GABRG2: variants seen among roughly 807,000 people sequenced by gnomAD.
GABRG2 encodes the protein gamma-aminobutyric acid receptor subunit gamma-2.
A neutral mutation model predicts 56.4 loss-of-function variants in GABRG2; 16 were observed. The ratio of observed to expected loss-of-function variants is 0.28; its 90% confidence interval spans 0.19 to 0.43. The LOEUF (loss-of-function observed/expected upper bound fraction) is 0.43. GABRG2 is among the 20% of genes least tolerant of loss of function. GABRG2 has a pLI of 1.00. For missense variants in GABRG2, 327 were observed against 582.7 expected (o/e 0.56, Z 4.52); for synonymous variants, 208 against 205.5 (o/e 1.01, Z -0.10).
chr5:162,113,659 A>G (rs536824177), intron 6 of GABRG2, among the ~76,000 whole-genome samples: 1 of 152,354 alleles, frequency 6.6e-6, no homozygotes, highest in East Asian at 1.9e-4. Context: ...CTATACTCAC[A>G]TGACTAATAG....
At chr5:162,073,978 T>G (rs1157639044) in intron 1 of GABRG2, among the ~76,000 whole-genome samples, 1 of 151,954 alleles carries the variant, frequency 6.6e-6, no homozygotes, top group Non-Finnish European at 1.5e-5. Context: ...TGCACAAGTA[T>G]AGTCACCCCC....
chr5:162,077,589 T>C (rs567201232), intron 1 of GABRG2, among the ~76,000 whole-genome samples: 109 of 152,346 alleles, frequency 7.2e-4, no homozygotes, highest in Non-Finnish European at 1.4e-3. Flanking sequence ...CTTTAAGTCA[T>C]TGCAACCTTA....
At chr5:162,093,025 G>A (rs1760726723) in intron 1 of GABRG2, among the ~76,000 whole-genome samples, 1 of 152,104 alleles carries the variant, frequency 6.6e-6, no homozygotes, top group African/African-American at 2.4e-5. Flanking sequence ...GTCATTCTCA[G>A]GTGGCTTCCA....
intron 1 of GABRG2, among the ~76,000 whole-genome samples, chr5:162,072,462 G>A (rs1323661390): frequency 6.6e-6 from 1 of 151,910 alleles, no homozygotes; most frequent in Non-Finnish European, 1.5e-5. Flanking sequence ...GACCACTGTG[G>A]GTGTCGGCAC....
intron 9 of GABRG2, chr5:162,151,980 T>C (rs994247244): frequency 2.3e-6 from 1 of 431,390 alleles, no homozygotes; most frequent in Non-Finnish European, 4.1e-6. Context: ...CCCTGTGAGA[T>C]GTCATAGGTA....
At chr5:162,074,046 C>G (rs1272176799) in intron 1 of GABRG2, among the ~76,000 whole-genome samples, 1 of 151,812 alleles carries the variant, frequency 6.6e-6, no homozygotes, top group African/African-American at 2.4e-5. Flanking sequence ...TGTAAAAGTC[C>G]TCTCTAACTT....
chr5:162,129,963 CAA>C (rs1393908233), intron 6 of GABRG2, among the ~76,000 whole-genome samples: 1 of 151,832 alleles, frequency 6.6e-6, no homozygotes, highest in Non-Finnish European at 1.5e-5. Context: ...CAAGATCACA[CAA>C]AGTCACATAT....
rs116077285 is a variant in GABRG2 at position 162,114,192 on chromosome 5, C to A, written c.769+10166C>A. Among the ~76,000 whole-genome samples, 784 of 152,250 alleles carry A rather than the reference C, an allele frequency of 5.1e-3. 6 individuals are homozygous for A. Among genetic ancestry groups the A allele is most frequent in the African/African-American group, 0.017 (707 of 41,560 alleles). On this transcript the variant is annotated intron_variant, in intron 6 of 9. Coordinates refer to ENST00000639213, the MANE Select transcript of GABRG2 (RefSeq NM_198904.4). ...ATAATTATGTAGAGCTGAATTATCACCTGTCTCAACATGTGGGTAATACAA... is the reference window on the plus strand; with the variant it reads ...ATAATTATGTAGAGCTGAATTATCAACTGTCTCAACATGTGGGTAATACAA...
At chr5:162,121,662 C>T (rs1172468679) in intron 6 of GABRG2, among the ~76,000 whole-genome samples, 1 of 151,956 alleles carries the variant, frequency 6.6e-6, no homozygotes, top group Non-Finnish European at 1.5e-5. Flanking sequence ...CCATGAACAT[C>T]CAATTTTATG....
At chr5:162,112,939 T>A (rs986023872) in intron 6 of GABRG2, among the ~76,000 whole-genome samples, 1 of 152,036 alleles carries the variant, frequency 6.6e-6, no homozygotes, top group African/African-American at 2.4e-5. Flanking sequence ...TTGCTTTTAT[T>A]TTTTATTTTA....
chr5:162,126,139 T>C (rs1763326564), intron 6 of GABRG2, among the ~76,000 whole-genome samples: 1 of 151,938 alleles, frequency 6.6e-6, no homozygotes, highest in African/African-American at 2.4e-5. Context: ...GAGTATGTGA[T>C]AGTGAGCCAG....
chr5:162,106,920 G>A (rs879279863), intron 6 of GABRG2, among the ~76,000 whole-genome samples: 3,173 of 151,722 alleles, frequency 0.021, 134 homozygotes, highest in African/African-American at 0.073. Context: ...TGTCTTGGGT[G>A]GGGGGTTGTT....
At chr5:162,080,616 TA>T (rs1440350836) in intron 1 of GABRG2, among the ~76,000 whole-genome samples, 3 of 152,152 alleles carry the variant, frequency 2.0e-5, no homozygotes, top group Non-Finnish European at 4.4e-5. Context: ...GGAGTTTGGA[TA>T]AGGGGTAAGA....
chr5:162,121,765 C>T (rs1005932957), intron 6 of GABRG2, among the ~76,000 whole-genome samples: 3 of 151,914 alleles, frequency 2.0e-5, no homozygotes, highest in African/African-American at 7.3e-5. Flanking sequence ...GAAGAAAGAT[C>T]ATGAAGTGGA....
chr5:162,138,159 T>TATGTTATAC (rs1255390658), intron 6 of GABRG2, among the ~76,000 whole-genome samples: 1 of 152,174 alleles, frequency 6.6e-6, no homozygotes, highest in Non-Finnish European at 1.5e-5. Flanking sequence ...TGACAAAGCT[T>TATGTTATAC]TTTCCACACT....
At chr5:162,142,400 G>A in intron 7 of GABRG2, 84 bp downstream of exon 7, 1 of 1,411,090 alleles carries the variant, frequency 7.1e-7, no homozygotes, top group Non-Finnish European at 1.0e-6. Context: ...ATGTTGATCT[G>A]CTTTAAATTT....
At chr5:162,096,592 A>G (rs1169583827) in intron 3 of GABRG2, among the ~76,000 whole-genome samples, 1 of 152,050 alleles carries the variant, frequency 6.6e-6, no homozygotes, top group Non-Finnish European at 1.5e-5. Flanking sequence ...AAATGAAACT[A>G]AATGATGAAC....
intron 7 of GABRG2, among the ~76,000 whole-genome samples, chr5:162,148,242 C>T (rs959315350): frequency 2.0e-5 from 3 of 152,154 alleles, no homozygotes; most frequent in Non-Finnish European, 4.4e-5. Context: ...CTGCTACTTA[C>T]CAACTATTGG....
chr5:162,146,853 G>C (rs1764987426), intron 7 of GABRG2, among the ~76,000 whole-genome samples: 1 of 152,172 alleles, frequency 6.6e-6, no homozygotes, highest in African/African-American at 2.4e-5. Flanking sequence ...TCTTTCCACT[G>C]TCTGAAATTG....
Sources: allele counts gnomAD v4.1 joint callset (sites outside exome capture counted in the v4.1 genomes callset), GRCh38; gene constraint gnomAD v4.1.1; transcripts MANE v1.5; gene names NCBI Gene and HGNC (gene_info 2026-07-23, HGNC 2026-07-21).